C22orf31: variants seen among roughly 807,000 people sequenced by gnomAD.
C22orf31 encodes chromosome 22 open reading frame 31.
C22orf31 carries 11 observed loss-of-function variants against 15.0 expected under a neutral mutation model. The ratio of observed to expected loss-of-function variants is 0.73; its 90% CI spans 0.46 to 1.21. The LOEUF is 1.21. C22orf31 is among the 50% of genes most tolerant of loss of function. The probability of loss-of-function intolerance (pLI) is 0.00; values close to 1 mark genes in which losing one functional copy is unlikely to be tolerated. For synonymous variants in C22orf31, 132 were observed against 133.3 expected, an observed-to-expected ratio of 0.99 and a Z score of 0.07; for missense variants, 340 against 347.2, an observed-to-expected ratio of 0.98 and a Z score of 0.17.
At chr22:29,072,167 C>T in the C22orf31 span, among the ~76,000 whole-genome samples, 67,846 of 151,820 alleles carry the variant, frequency 0.45, 16,092 homozygotes, top group Middle Eastern at 0.59. Flanking sequence ...GTTTTTGAGA[C>T]AGGGTCTTGC....
upstream of C22orf31, among the ~76,000 whole-genome samples, chr22:29,062,347 G>T (rs928187402): frequency 8.5e-5 from 13 of 152,132 alleles, no homozygotes; most frequent in Non-Finnish European, 1.5e-5. Context: ...AGGAATGAAA[G>T]AACACGTTCC....
rs1370037202 is a variant in C22orf31, at chr22:29,058,781, A to C, written c.834T>G (p.Pro278=). 6.2e-7 allele frequency: 1 copy of C among 1,613,846 alleles called. No individual in the cohort carries two copies. Among genetic ancestry groups the C allele is most frequent in the Non-Finnish European group, 8.5e-7 (1 of 1,179,948 alleles). The change falls in exon 3 of 3, where the codon CCT becomes CCG. Residue 278 remains proline (P), a synonymous_variant. Transcript: ENST00000216071. ...TTAACTTGGGCCATTTCTTGAGTACAGGCTCCTCGTGGACACCTGGCTGCT... is the reference window on the plus strand; with the variant it reads ...TTAACTTGGGCCATTTCTTGAGTACCGGCTCCTCGTGGACACCTGGCTGCT... ...GRKQPGVHEE[P]VLKKWPKLKS...
intron 2 of C22orf31, chr22:29,059,818 C>G: frequency 1.0e-6 from 1 of 985,276 alleles, no homozygotes; most frequent in Non-Finnish European, 1.2e-6. Context: ...AGCCTTCCTT[C>G]TCACCCTTAT....
chr22:29,060,858 AG>A lies in C22orf31; in HGVS notation c.4-16del, dbSNP rs780888512. ...TTGATTGGGTGCTAGAATTATAAGGAGGGAGAAATGAATTTTAAAAGGACCG... is the reference window on the plus strand; with the variant it reads ...TTGATTGGGTGCTAGAATTATAAGGAGGAGAAATGAATTTTAAAAGGACCG... On this transcript the variant is annotated splice_polypyrimidine_tract_variant and intron_variant, in intron 1 of 2. Coordinates refer to ENST00000216071, the MANE Select transcript of C22orf31 (RefSeq NM_015370.2). 9 of 1,597,122 alleles carry A rather than the reference AG, an allele frequency of 5.6e-6. No individual in the cohort carries two copies. The highest frequency in any genetic ancestry group is 7.7e-6 in the Non-Finnish European group (9 of 1,169,704).
chr22:29,059,600 A>G (rs2037360204), intron 2 of C22orf31: 3 of 735,328 alleles, frequency 4.1e-6, no homozygotes, highest in Non-Finnish European at 3.3e-6. Context: ...GCACAAAGAA[A>G]TTAAGCCCGA....
chr22:29,061,226 C>A (rs1410045258), intron 1 of C22orf31, among the ~76,000 whole-genome samples: 1 of 152,240 alleles, frequency 6.6e-6, no homozygotes, highest in South Asian at 2.1e-4. Context: ...GACATGACAG[C>A]CGGTAAGTTC....
chr22:29,071,476 C>T, the C22orf31 span, among the ~76,000 whole-genome samples: 1 of 152,086 alleles, frequency 6.6e-6, no homozygotes, highest in South Asian at 2.1e-4. Flanking sequence ...GGCCCAGGGG[C>T]GAGTGTACCC....
At position 29,060,770 on chromosome 22, in the gene C22orf31, C is replaced by T; in HGVS notation, c.77G>A (p.Arg26Lys). The change falls in exon 2 of 3, where the codon AGG becomes AAG. Residue 26 changes from arginine (R) to lysine (K), a missense_variant. By Grantham distance (26) the Arg-to-Lys change is conservative. Transcript: ENST00000216071. ...GLRQSILLNT[R>K]LQDCYVDSPA... ...TGAGTCCACATAGCAGTCCTGAAGC[C>T]TGGTATTTAATAAGATGGACTGTCG... 6.2e-7 allele frequency: 1 copy of T among 1,614,038 alleles called. No homozygotes were observed. The highest frequency in any genetic ancestry group is 8.5e-7 in the Non-Finnish European group (1 of 1,179,994).
rs777278729 is a variant in C22orf31 at position 29,059,052 on chromosome 22, A to C, written c.563T>G (p.Leu188Trp). Reference sequence around the variant, plus strand: ...CTGTCTCTTTTGGGTTTCAGGAAGCAACACTCGGCCCTTCCAGGCTGCTGT... The same window carrying C: ...CTGTCTCTTTTGGGTTTCAGGAAGCCACACTCGGCCCTTCCAGGCTGCTGT... ...SGTAAWKGRV[L>W]LPETQKRQQL... Residue 188 changes from leucine (L) to tryptophan (W), a missense_variant, in exon 3 of 3, where the codon TTG becomes TGG. Leu to Trp is a moderately conservative substitution (Grantham distance 61, BLOSUM62 -2). Transcript: ENST00000216071. The C allele has an allele frequency of 1.9e-6, 3 of 1,614,208 alleles. No homozygotes were observed. Among genetic ancestry groups the C allele is most frequent in the Non-Finnish European group, 2.5e-6 (3 of 1,180,042 alleles).
chr22:29,073,145 C>A, the C22orf31 span: 2 of 1,106,314 alleles, frequency 1.8e-6, no homozygotes, highest in South Asian at 3.9e-5. The surrounding 1 kb of genome is among the most constrained non-coding windows in gnomAD (Gnocchi z 4.4). Context: ...CGCCGCCAGC[C>A]GCCCGCCTCG....
At chr22:29,070,386 A>G in the C22orf31 span, among the ~76,000 whole-genome samples, 2,473 of 152,346 alleles carry the variant, frequency 0.016, 65 homozygotes, top group African/African-American at 0.057. Flanking sequence ...CCAGCCCAGG[A>G]GGGGTGCCTT....
chr22:29,059,632 G>A (rs755524286), intron 2 of C22orf31: 39 of 950,486 alleles, frequency 4.1e-5, no homozygotes, highest in East Asian at 1.2e-4. Context: ...ATTACAGTCC[G>A]AGTTGGGATT....
chr22:29,069,964 G>A, the C22orf31 span, among the ~76,000 whole-genome samples: 1 of 54,336 alleles, frequency 1.8e-5, no homozygotes. Context: ...TTTTTTTTTT[G>A]AGATGGAGTC....
At chr22:29,067,149 A>C in the C22orf31 span, among the ~76,000 whole-genome samples, 1 of 152,206 alleles carries the variant, frequency 6.6e-6, no homozygotes, top group African/African-American at 2.4e-5. Flanking sequence ...GTCTGTTCAT[A>C]ATGGATTTTT....
chr22:29,061,352 C>T lies in C22orf31; in HGVS notation c.3+438G>A, dbSNP rs539555013. ...CGTGATCTTGGCTCACTGCAACCTCCGCCTCCCGGGCTCAAGGGATTCTTC... is the reference window on the plus strand; with the variant it reads ...CGTGATCTTGGCTCACTGCAACCTCTGCCTCCCGGGCTCAAGGGATTCTTC... On this transcript the variant is annotated intron_variant, in intron 1 of 2. Transcript: ENST00000216071. Among the ~76,000 whole-genome samples the T allele has an allele frequency of 1.1e-3, 170 of 152,224 alleles. 1 individual carries two copies. The highest frequency in any genetic ancestry group is 1.6e-3 in the Non-Finnish European group (108 of 68,004).
chr22:29,064,723 T>G (rs1021427358), upstream of C22orf31, among the ~76,000 whole-genome samples: 4 of 128,470 alleles, frequency 3.1e-5, no homozygotes, highest in South Asian at 2.7e-4. Context: ...TTTTTTTTTG[T>G]AGAGATGAGG....
In C22orf31 at chr22:29,060,518, T is replaced by C. The variant is rs762154835; in HGVS notation, c.329A>G (p.Asp110Gly). 1 of 1,614,040 alleles carries C rather than the reference T, an allele frequency of 6.2e-7. No homozygotes were observed. The highest frequency in any genetic ancestry group is 2.2e-5 in the East Asian group (1 of 44,890). The change falls in exon 2 of 3, where the codon GAT becomes GGT. Residue 110 changes from aspartate (D) to glycine (G), a missense_variant. Physicochemically the swap from Asp to Gly is moderately conservative, Grantham distance 94. Coordinates refer to ENST00000216071, the MANE Select transcript of C22orf31 (RefSeq NM_015370.2). ...CTGCTGGGTGGCTTTCATCACTGAA[T>C]CGTCCTTGTGCTTTAATCTCTTCGA... The part of the protein sequence containing the change: ...KLSKRLKHKD[D>G]SVMKATQQAR...
chr22:29,065,133 G>A (rs138701312), upstream of C22orf31, among the ~76,000 whole-genome samples: 21 of 152,264 alleles, frequency 1.4e-4, no homozygotes, highest in South Asian at 8.3e-4. Flanking sequence ...GATTTCAGGC[G>A]TGAGCCACTG....
intron 2 of C22orf31, among the ~76,000 whole-genome samples, chr22:29,059,500 G>C (rs926464502): frequency 1.3e-5 from 2 of 152,204 alleles, no homozygotes; most frequent in African/African-American, 4.8e-5. Context: ...GCCAGGCTCT[G>C]TTCAAAAGCC....
Sources: allele counts gnomAD v4.1 joint callset (sites outside exome capture counted in the v4.1 genomes callset), GRCh38; gene constraint gnomAD v4.1.1; non-coding constraint Gnocchi (gnomAD v3.1); transcripts MANE v1.5; gene names NCBI Gene and HGNC (gene_info 2026-07-23, HGNC 2026-07-21).